Variants in YLPM1 observed in about 807,000 individuals in gnomAD.
YLPM1 encodes the protein YLP motif containing 1, also known as YLP motif-containing protein 1.
A neutral mutation model predicts 230.0 loss-of-function variants in YLPM1; 99 were observed. That is an observed-to-expected ratio of 0.43 (90% confidence interval 0.37 to 0.51). The LOEUF is 0.51. YLPM1 is among the 20% of genes least tolerant of loss of function. YLPM1 has a pLI of 0.00. For missense variants in YLPM1, 2,592 were observed against 2,707.7 expected (o/e 0.96, Z 0.95); for synonymous variants, 984 against 942.5 (o/e 1.04, Z -0.81).
chr14:74,796,143 G>GGGAAT (rs1448987092), intron 4 of YLPM1, among the ~76,000 whole-genome samples: 9 of 152,166 alleles, frequency 5.9e-5, no homozygotes, highest in African/African-American at 2.2e-4. Context: ...TAGATAAGTG[G>GGGAAT]GGAATGGGTA....
At chr14:74,797,330 C>T (rs966266696) in intron 4 of YLPM1, among the ~76,000 whole-genome samples, 1 of 151,616 alleles carries the variant, frequency 6.6e-6, no homozygotes, top group African/African-American at 2.4e-5. Flanking sequence ...CAGTGACTTG[C>T]GGCAGGAGAT....
At position 74,763,874 on chromosome 14, in the gene YLPM1, C is replaced by T. The variant is rs771228986; in HGVS notation, c.385C>T (p.His129Tyr). The change falls in exon 1 of 21, where the codon CAC (histidine) becomes TAC (tyrosine). Residue 129 changes from histidine to tyrosine, a missense_variant. By Grantham distance (83) the His-to-Tyr change is moderately conservative (BLOSUM62 2). Around this residue, in one of 4 missense-constraint regions of YLPM1, gnomAD observed 1,862 missense variants for 1,819.8 expected, o/e 1.02. Transcript: ENST00000325680. ...KQQQYKHQML[H>Y]HQRDGPPGLV... ...GCAGCAGTACAAACACCAGATGCTCCACCACCAACGAGACGGGCCTCCTGG... is the reference window on the plus strand; with the variant it reads ...GCAGCAGTACAAACACCAGATGCTCTACCACCAACGAGACGGGCCTCCTGG... 3 of 1,546,202 alleles carry T rather than the reference C, an allele frequency of 1.9e-6. No homozygotes were observed. The highest frequency in any genetic ancestry group is 1.8e-4 in the Middle Eastern group (1 of 5,690).
At chr14:74,780,896 CAG>C (rs1309810339) in intron 3 of YLPM1, among the ~76,000 whole-genome samples, 1 of 152,060 alleles carries the variant, frequency 6.6e-6, no homozygotes, top group Non-Finnish European at 1.5e-5. Context: ...ACAACAGTAA[CAG>C]ATAAGCAAAG....
chr14:74,763,878 A>G lies in YLPM1; in HGVS notation c.389A>G (p.His130Arg), dbSNP rs2090877666. 9 of 1,547,416 alleles carry G rather than the reference A, an allele frequency of 5.8e-6. No homozygotes were observed. Among genetic ancestry groups the G allele is most frequent in the Admixed American group, 2.0e-5 (1 of 50,320 alleles). Residue 130 changes from histidine to arginine, a missense_variant, in exon 1 of 21, where the codon CAC (histidine) becomes CGC (arginine). His to Arg is a conservative substitution (Grantham distance 29, BLOSUM62 0). Around this residue, in one of 4 missense-constraint regions of YLPM1, gnomAD observed 1,862 missense variants for 1,819.8 expected, o/e 1.02. Coordinates refer to ENST00000325680, the MANE Select transcript of YLPM1 (RefSeq NM_019589.3). ...QQQYKHQMLH[H>R]QRDGPPGLVP... ...CAGTACAAACACCAGATGCTCCACC[A>G]CCAACGAGACGGGCCTCCTGGTTTG...
chr14:74,810,201 A>G (rs2091420053), intron 8 of YLPM1, 24 bp from the exon 9 acceptor site: 1 of 1,607,510 alleles, frequency 6.2e-7, no homozygotes, highest in Admixed American at 1.7e-5. Flanking sequence ...GGATATAGTT[A>G]TTTTGTACTA....
chr14:74,784,021 A>G (rs1265485177), intron 4 of YLPM1, among the ~76,000 whole-genome samples: 1 of 152,222 alleles, frequency 6.6e-6, no homozygotes, highest in African/African-American at 2.4e-5. Flanking sequence ...GTTTACTGCC[A>G]TGATTCAAGC....
At chr14:74,766,281 C>G (rs2090910331) in intron 1 of YLPM1, among the ~76,000 whole-genome samples, 1 of 152,180 alleles carries the variant, frequency 6.6e-6, no homozygotes, top group African/African-American at 2.4e-5. Context: ...GTACCAGTCT[C>G]TGGCAATCCT....
Position 74,809,998 on chromosome 14 carries a change from G to C in YLPM1, c.5028G>C (p.Glu1676Asp). ...PDPLPERSTF[E>D]TEHAGQRDRY... ...CACTACCTGAAAGATCAACTTTTGA[G>C]ACAGGTAGGATTCCCAGAGAGGTCA... The change falls in exon 8 of 21, where the codon GAG (glutamate) becomes GAC (aspartate). Residue 1676 changes from glutamate to aspartate, a missense_variant. This residue lies in a region of YLPM1 where 403 missense variants were observed against 426.7 expected (regional missense o/e 0.94). Transcript: ENST00000325680. 1 of 1,601,240 alleles carries C rather than the reference G, an allele frequency of 6.2e-7. No individual in the cohort carries two copies. Among genetic ancestry groups the C allele is most frequent in the East Asian group, 2.2e-5 (1 of 44,646 alleles).
rs775967336 is a variant in YLPM1, at chr14:74,811,721, G to A, written c.5330G>A (p.Gly1777Glu). The stretch of plus-strand genomic sequence containing the variant: ...AAGTCTGACCGACCAGTCTATGAAG[G>A]ACCATCCATGTTTGGAGGTAGAGTG... ...DRKSDRPVYE[G>E]PSMFGGERRT... Residue 1777 changes from glycine (G) to glutamate (E), a missense_variant, in exon 10 of 21, where the codon GGA (glycine) becomes GAA (glutamate). By Grantham distance (98) the Gly-to-Glu change is moderately conservative. Around this residue, in one of 4 missense-constraint regions of YLPM1, gnomAD observed 403 missense variants for 426.7 expected, o/e 0.94. Transcript: ENST00000325680. The A allele has an allele frequency of 1.2e-6, 2 of 1,600,356 alleles. No homozygotes were observed. The highest frequency in any genetic ancestry group is 1.8e-5 in the Admixed American group (1 of 55,472).
intron 16 of YLPM1, among the ~76,000 whole-genome samples, chr14:74,818,756 G>A (rs1346317600): frequency 6.6e-6 from 1 of 151,978 alleles, no homozygotes; most frequent in Admixed American, 6.6e-5. Context: ...TTTACCAGTT[G>A]TCCCTATAAC....
At chr14:74,768,929 A>C (rs1240750504) in intron 1 of YLPM1, among the ~76,000 whole-genome samples, 4 of 152,084 alleles carry the variant, frequency 2.6e-5, no homozygotes, top group Non-Finnish European at 5.9e-5. Context: ...CTGTATTCAC[A>C]GTACCTTGCA....
chr14:74,828,770 G>C (rs2091586171), intron 18 of YLPM1, among the ~76,000 whole-genome samples: 1 of 152,030 alleles, frequency 6.6e-6, no homozygotes, highest in Admixed American at 6.6e-5. Context: ...TTGAGTTCTT[G>C]GTACAACCTG....
rs778839515 is a variant in YLPM1 at position 74,810,341 on chromosome 14, A to G, written c.5149A>G (p.Arg1717Gly). 103 of 1,613,812 alleles carry G rather than the reference A, an allele frequency of 6.4e-5. No individual in the cohort carries two copies. The highest frequency in any genetic ancestry group is 8.6e-5 in the Non-Finnish European group (102 of 1,179,888). Residue 1717 changes from arginine (R) to glycine (G), a missense_variant, in exon 9 of 21, where the codon AGA becomes GGA. Transcript: ENST00000325680. The stretch of plus-strand genomic sequence containing the variant: ...TTTTAAAAGGGATCGTGAGACACAT[A>G]GAGATCGAGACCGGGATCGTGGTGT... ...RDFKRDRETH[R>G]DRDRDRGVID...
At chr14:74,784,797 C>T (rs2091131005) in intron 4 of YLPM1, among the ~76,000 whole-genome samples, 2 of 152,210 alleles carry the variant, frequency 1.3e-5, no homozygotes, top group Non-Finnish European at 2.9e-5. Flanking sequence ...ATGTCTCCCT[C>T]ACCCTACCTC....
At chr14:74,819,149 T>C (rs2140135900) in intron 16 of YLPM1, among the ~76,000 whole-genome samples, 1 of 152,306 alleles carries the variant, frequency 6.6e-6, no homozygotes, top group Middle Eastern at 3.4e-3. Flanking sequence ...CCAACAAATT[T>C]TCATTCACTG....
intron 5 of YLPM1, among the ~76,000 whole-genome samples, chr14:74,801,214 G>A (rs1010512395): frequency 2.0e-5 from 3 of 152,040 alleles, no homozygotes; most frequent in Non-Finnish European, 2.9e-5. Flanking sequence ...CAATATATAG[G>A]GAGTGATGGA....
intron 11 of YLPM1, among the ~76,000 whole-genome samples, chr14:74,813,439 G>T (rs1278427526): frequency 6.6e-6 from 1 of 150,694 alleles, no homozygotes; most frequent in Non-Finnish European, 1.5e-5. Flanking sequence ...TTCCATTCAG[G>T]TTCCCTTTAT....
rs1365729573 is a variant in YLPM1 at position 74,829,257 on chromosome 14, T to C, written c.6208T>C (p.Trp2070Arg). 6.8e-6 allele frequency: 11 copies of C among 1,613,184 alleles called. No individual in the cohort carries two copies. Among genetic ancestry groups the C allele is most frequent in the Non-Finnish European group, 9.3e-6 (11 of 1,179,434 alleles). ...GACTGGTACTAAAAGGAAACGTGAC[T>C]GGGAGGCCATTGCCAGCAGAATGGA... Reference protein sequence around the residue: ...LRTGTKRKRDWEAIASRMEDY... With the variant: ...LRTGTKRKRDREAIASRMEDY... Residue 2070 changes from tryptophan to arginine, a missense_variant, in exon 19 of 21, where the codon TGG (tryptophan) becomes CGG (arginine). Trp to Arg is a moderately radical substitution (Grantham distance 101). Around this residue, in one of 4 missense-constraint regions of YLPM1, gnomAD observed 315 missense variants for 429.3 expected, o/e 0.73. Transcript: ENST00000325680.
chr14:74,789,597 CTTTCT>C (rs1251087474), intron 4 of YLPM1, among the ~76,000 whole-genome samples: 3 of 140,192 alleles, frequency 2.1e-5, no homozygotes, highest in African/African-American at 7.9e-5. Context: ...AAATATTTTT[CTTTCT>C]TTTCTTTTTT....
Sources: gnomAD v4.1 joint callset for allele counts (sites outside exome capture counted in the v4.1 genomes callset) on GRCh38, gnomAD v4.1.1 for gene constraint, gnomAD v4.1.1 regional missense constraint, MANE v1.5 for transcripts, NCBI Gene and HGNC (gene_info 2026-07-23, HGNC 2026-07-21) for gene names.